Variants in PRKG1 observed in about 807,000 individuals in gnomAD.
PRKG1 encodes the protein cGMP-dependent protein kinase 1.
In PRKG1, 35 loss-of-function variants were observed where a neutral mutation model predicts 88.1. That is an observed-to-expected ratio of 0.40 (90% CI 0.30 to 0.53). The LOEUF is 0.53. PRKG1 is among the 20% of genes least tolerant of loss of function. The probability of loss-of-function intolerance (pLI) is 0.59; values close to 1 mark genes in which losing one functional copy is unlikely to be tolerated. For missense variants in PRKG1, 540 were observed against 839.8 expected, an observed-to-expected ratio of 0.64 and a Z score of 4.41; for synonymous variants, 303 against 292.5, an observed-to-expected ratio of 1.04 and a Z score of -0.37.
chr10:51,344,067 A>G (rs1842060027), intron 2 of PRKG1, among the ~76,000 whole-genome samples: 1 of 152,222 alleles, frequency 6.6e-6, no homozygotes, highest in Non-Finnish European at 1.5e-5. Flanking sequence ...CTATAAAGAA[A>G]TACCTGAGAC....
At chr10:51,277,854 C>T (rs988260913) in intron 2 of PRKG1, among the ~76,000 whole-genome samples, 1 of 152,162 alleles carries the variant, frequency 6.6e-6, no homozygotes, top group African/African-American at 2.4e-5. Flanking sequence ...AGATTTTGGG[C>T]TGAGATGATG....
In PRKG1 at chr10:51,506,293, A is replaced by G. The variant is rs1841201145; in HGVS notation, c.592+38457A>G. ...CCAAAAGCAATGGCAACAAAAGCCA[A>G]AATTGACAAATGGGATCTAATTAAA... On this transcript the variant is annotated intron_variant, in intron 3 of 17. Coordinates refer to ENST00000373980, the MANE Select transcript of PRKG1 (RefSeq NM_006258.4). 2.0e-5 allele frequency among the ~76,000 whole-genome samples: 3 copies of G among 152,142 alleles called. No homozygotes were observed. In the South Asian group the frequency reaches 6.2e-4, roughly 31 times the overall value.
At position 51,915,489 on chromosome 10, in the gene PRKG1, C is replaced by T. The variant is rs1248620998; in HGVS notation, c.762+7919C>T. Reference sequence around the variant, plus strand: ...CTCCCTCATTTCACTTGTGTCTTCCCTTTTGGGGAGCAAATTACTGCTTTT... The same window carrying T: ...CTCCCTCATTTCACTTGTGTCTTCCTTTTTGGGGAGCAAATTACTGCTTTT... On this transcript the variant is annotated intron_variant, in intron 5 of 17. Coordinates refer to ENST00000373980, the MANE Select transcript of PRKG1 (RefSeq NM_006258.4). Among the ~76,000 whole-genome samples the T allele has an allele frequency of 3.9e-5, 6 of 152,042 alleles. No individual in the cohort carries two copies. In the East Asian group the frequency reaches 1.2e-3, roughly 29 times the overall value.
Position 51,227,122 on chromosome 10 carries a change from C to T in PRKG1, c.478+73792C>T, listed in dbSNP as rs1428867663. Among the ~76,000 whole-genome samples the T allele has an allele frequency of 3.3e-5, 5 of 150,198 alleles. No homozygotes were observed. In the East Asian group the frequency reaches 9.7e-4, roughly 29 times the overall value. On this transcript the variant is annotated intron_variant, in intron 2 of 17. Coordinates refer to ENST00000373980, the MANE Select transcript of PRKG1 (RefSeq NM_006258.4). ...TTAATAATTATTCCTGTGTAATGTA[C>T]AGGAATAATTATATATATTATAAAT...
intron 3 of PRKG1, among the ~76,000 whole-genome samples, chr10:51,475,360 A>C (rs960755115): frequency 3.3e-5 from 5 of 151,908 alleles, no homozygotes; most frequent in African/African-American, 9.7e-5. Flanking sequence ...ACTGAAAGGA[A>C]ATTTTGGGGG....
At chr10:51,164,675 A>G (rs1011662325) in intron 2 of PRKG1, among the ~76,000 whole-genome samples, 2 of 152,176 alleles carry the variant, frequency 1.3e-5, no homozygotes, top group Admixed American at 6.5e-5. Flanking sequence ...ATGTATAACT[A>G]GAATAACCAA....
chr10:52,030,484 A>G (rs1180536824), intron 5 of PRKG1, among the ~76,000 whole-genome samples: 1 of 152,212 alleles, frequency 6.6e-6, no homozygotes, highest in Admixed American at 6.5e-5. Flanking sequence ...GCATATGCCC[A>G]TTTCCTAGTA....
At chr10:51,780,396 A>C (rs1589280240) in intron 3 of PRKG1, among the ~76,000 whole-genome samples, 2 of 152,040 alleles carry the variant, frequency 1.3e-5, no homozygotes, top group South Asian at 2.1e-4. Context: ...TAAATAAATA[A>C]ATTTTGGAAG....
intron 1 of PRKG1, among the ~76,000 whole-genome samples, chr10:51,126,187 T>C (rs1306529627): frequency 8.2e-6 from 1 of 121,804 alleles, no homozygotes; most frequent in Non-Finnish European, 1.6e-5. Context: ...TATTTATATA[T>C]AATTATTTAT....
chr10:51,022,638 A>C (rs1389545169), intron 1 of PRKG1, among the ~76,000 whole-genome samples: 1 of 152,188 alleles, frequency 6.6e-6, no homozygotes, highest in Admixed American at 6.6e-5. Flanking sequence ...AGAAGTGAAC[A>C]CAATATAGGA....
chr10:51,103,712 T>G (rs1300468788), intron 1 of PRKG1, among the ~76,000 whole-genome samples: 1 of 152,130 alleles, frequency 6.6e-6, no homozygotes, highest in Non-Finnish European at 1.5e-5. Context: ...GTGTCAAGCT[T>G]CAGGAGCTCC....
chr10:51,187,386 GA>G (rs1837519572), intron 2 of PRKG1, among the ~76,000 whole-genome samples: 1 of 151,870 alleles, frequency 6.6e-6, no homozygotes, highest in Admixed American at 6.6e-5. Context: ...ATACCTGCAA[GA>G]AAATATAATT....
At chr10:51,914,296 T>TC (rs1390321669) in intron 5 of PRKG1, among the ~76,000 whole-genome samples, 2 of 151,330 alleles carry the variant, frequency 1.3e-5, no homozygotes, top group Admixed American at 1.3e-4. Context: ...TAAAAACTTT[T>TC]TTTCATAGAG....
chr10:51,472,339 C>T (rs185644535), intron 3 of PRKG1, among the ~76,000 whole-genome samples: 42 of 152,024 alleles, frequency 2.8e-4, no homozygotes, highest in Admixed American at 2.4e-3. Flanking sequence ...GAAAAATCTG[C>T]TGACTGTCGA....
chr10:51,756,450 G>T (rs1254673876), intron 3 of PRKG1, among the ~76,000 whole-genome samples: 1 of 146,982 alleles, frequency 6.8e-6, no homozygotes, highest in East Asian at 2.0e-4. Flanking sequence ...TTGTGCCACT[G>T]CACTCCAGCA....
At chr10:52,056,570 C>T (rs1176847874) in intron 6 of PRKG1, among the ~76,000 whole-genome samples, 2 of 152,024 alleles carry the variant, frequency 1.3e-5, no homozygotes, top group Non-Finnish European at 2.9e-5. Context: ...AACCAATTCC[C>T]TTGGCAATAT....
intron 9 of PRKG1, among the ~76,000 whole-genome samples, chr10:52,162,783 C>G (rs544530086): frequency 5.9e-5 from 9 of 152,150 alleles, no homozygotes; most frequent in Admixed American, 4.6e-4. Context: ...GAATTATATT[C>G]TATGTTAACC....
chr10:52,020,537 C>T (rs1357643013), intron 5 of PRKG1, among the ~76,000 whole-genome samples: 2 of 152,114 alleles, frequency 1.3e-5, no homozygotes, highest in East Asian at 3.9e-4. Context: ...GGCTTTAGAA[C>T]AGGAAAGAAA....
chr10:52,147,810 AATT>A (rs1837775609), intron 8 of PRKG1, among the ~76,000 whole-genome samples: 1 of 152,184 alleles, frequency 6.6e-6, no homozygotes. Context: ...TTCTATCCTG[AATT>A]ATTGGTAGGT....
Sources: allele counts gnomAD v4.1 joint callset (sites outside exome capture counted in the v4.1 genomes callset), GRCh38; gene constraint gnomAD v4.1.1; transcripts MANE v1.5; gene names NCBI Gene and HGNC (gene_info 2026-07-23, HGNC 2026-07-21).